Variants in ARHGAP27 observed in about 807,000 individuals in gnomAD.
The protein encoded by ARHGAP27 is rho GTPase-activating protein 27.
ARHGAP27 carries 53 observed loss-of-function variants against 102.0 expected under a neutral mutation model. The ratio of observed to expected loss-of-function variants is 0.52; its 90% CI spans 0.42 to 0.65. ARHGAP27 has a LOEUF of 0.65. ARHGAP27 is among the 30% of genes least tolerant of loss of function. The pLI is 0.00. For missense variants in ARHGAP27, 1,117 were observed against 1,256.2 expected, an observed-to-expected ratio of 0.89 and a Z score of 1.68; for synonymous variants, 525 against 542.8, an observed-to-expected ratio of 0.97 and a Z score of 0.46.
At chr17:45,414,807 C>A in intron 4 of ARHGAP27, among the ~76,000 whole-genome samples, 1 of 500 alleles carries the variant, frequency 2.0e-3, no homozygotes, top group East Asian at 0.031. Flanking sequence ...GCCTGAAATC[C>A]CAGCACTTTG....
rs1364065652 is a variant in ARHGAP27, at chr17:45,395,844, G to A, written c.2392C>T (p.Gln798Ter). Reference protein sequence around the residue: ...FRQFIAAIKLQDQARRSRCVR... With the variant: ...FRQFIAAIKL ...CAGCGGCTGCGCCGGGCCTGGTCCT[G>A]CAACTCTGGGTGAGGGAAGGTTTAG... Residue 798 changes from glutamine to a stop codon, truncating the protein, a stop_gained, in exon 19 of 20, where the codon CAG (glutamine) becomes TAG (stop). Transcript: ENST00000685559. LOFTEE classifies it high-confidence loss of function. 3.7e-6 allele frequency: 6 copies of A among 1,600,656 alleles called. No homozygotes were observed. The highest frequency in any genetic ancestry group is 3.4e-5 in the Admixed American group (2 of 58,618).
At chr17:45,404,378 G>C (rs1422325932) in intron 8 of ARHGAP27, 44 bp from the exon 9 acceptor site, 1 of 1,613,638 alleles carries the variant, frequency 6.2e-7, no homozygotes, top group Middle Eastern at 1.7e-4. Flanking sequence ...CCTCCTCCCA[G>C]GAACTCCAGA....
chr17:45,424,484 C>G (rs1403082353), intron 4 of ARHGAP27, among the ~76,000 whole-genome samples: 2 of 152,192 alleles, frequency 1.3e-5, no homozygotes, highest in African/African-American at 4.8e-5. Flanking sequence ...TGGACTTTCC[C>G]ATTCCCCAGG....
In ARHGAP27 at chr17:45,404,689, G is replaced by A; in HGVS notation, c.1249-8C>T. Reference sequence around the variant, plus strand: ...GTCCTCCAGCCTCACCCACTGTGGGGAGAGGAATGGTCAGGGCCTCCAGCC... The same window carrying A: ...GTCCTCCAGCCTCACCCACTGTGGGAAGAGGAATGGTCAGGGCCTCCAGCC... On this transcript the variant is annotated splice_region_variant and splice_polypyrimidine_tract_variant and intron_variant, in intron 6 of 19. Coordinates refer to ENST00000685559, the MANE Select transcript of ARHGAP27 (RefSeq NM_001282290.2). 12 of 1,608,378 alleles carry A rather than the reference G, an allele frequency of 7.5e-6. No individual in the cohort carries two copies. Among genetic ancestry groups the A allele is most frequent in the Non-Finnish European group, 1.0e-5 (12 of 1,178,306 alleles).
chr17:45,414,343 G>C (rs746630181), intron 4 of ARHGAP27, among the ~76,000 whole-genome samples: 1 of 151,984 alleles, frequency 6.6e-6, no homozygotes, highest in Admixed American at 6.5e-5. Context: ...ATAGCCTCCC[G>C]CTTGCTCGGA....
intron 5 of ARHGAP27, 150 bp downstream of exon 5, chr17:45,405,526 G>A: frequency 8.7e-7 from 1 of 1,143,244 alleles, no homozygotes. Context: ...CTGGGTCTGT[G>A]GGAGCAGGAG....
At chr17:45,420,241 T>C (rs1446656175) in intron 4 of ARHGAP27, among the ~76,000 whole-genome samples, 1 of 152,180 alleles carries the variant, frequency 6.6e-6, no homozygotes, top group East Asian at 1.9e-4. Flanking sequence ...AGACAGAACC[T>C]CTCTAGGTAC....
Position 45,397,022 on chromosome 17 carries a change from G to A in ARHGAP27, c.1845C>T (p.Ser615=), listed in dbSNP as rs1465333724. 2.5e-6 allele frequency: 4 copies of A among 1,602,650 alleles called. No homozygotes were observed. The highest frequency in any genetic ancestry group is 2.2e-5 in the South Asian group (2 of 91,094). The change falls in exon 14 of 20, where the codon TCC becomes TCT. Residue 615 remains serine (S), a splice_region_variant and synonymous_variant. Coordinates refer to ENST00000685559, the MANE Select transcript of ARHGAP27 (RefSeq NM_001282290.2). Reference sequence around the variant, plus strand: ...CGCTCTCCTCTGGGGGCAGCTCTGCGGACTGGATTCCCATAGCCTCAGAGA... The same window carrying A: ...CGCTCTCCTCTGGGGGCAGCTCTGCAGACTGGATTCCCATAGCCTCAGAGA... ...KAIAQGIQEL[S]AELPPEESES...
chr17:45,425,019 G>A (rs1422963366), intron 4 of ARHGAP27, among the ~76,000 whole-genome samples: 1 of 151,350 alleles, frequency 6.6e-6, no homozygotes, highest in Non-Finnish European at 1.5e-5. Flanking sequence ...AGGGGGTGCG[G>A]GGGGTGGGCA....
rs900072522 is a variant in ARHGAP27 at position 45,396,928 on chromosome 17, G to A, written c.1939C>T (p.Arg647Ter). 1.2e-6 allele frequency: 2 copies of A among 1,606,220 alleles called. No homozygotes were observed. The highest frequency in any genetic ancestry group is 2.2e-5 in the East Asian group (1 of 44,894). ...GSWQEKEEDA[R>*]PNAAAPALGP... is the part of the protein sequence containing the mutation. ...GCCTTGCGCACACCTGCATTCGGTC[G>A]CGCGTCCTCCTCTTTCTCCTGCCAG... is the stretch of plus-strand genomic sequence containing the variant. The change falls in exon 14 of 20, where the codon CGA becomes TGA. Residue 647 changes from arginine (R) to a stop codon, truncating the protein, a stop_gained. Transcript: ENST00000685559. LOFTEE classifies it high-confidence loss of function.
chr17:45,412,857 T>C (rs1270885535), intron 4 of ARHGAP27, among the ~76,000 whole-genome samples: 1 of 151,904 alleles, frequency 6.6e-6, no homozygotes, highest in Admixed American at 6.6e-5. Context: ...TCTGAGATTC[T>C]GATGGAAGTG....
At chr17:45,410,567 G>A (rs1243830011) in intron 4 of ARHGAP27, 5 of 587,106 alleles carry the variant, frequency 8.5e-6, no homozygotes, top group African/African-American at 5.9e-5. Context: ...AGCCGCATCC[G>A]AGGCCCAGAC....
At chr17:45,397,291 C>T in intron 13 of ARHGAP27, 1 of 1,345,330 alleles carries the variant, frequency 7.4e-7, no homozygotes, top group Non-Finnish European at 9.5e-7. Context: ...GGACTCCTAC[C>T]CACCTGGTGC....
intron 4 of ARHGAP27, among the ~76,000 whole-genome samples, chr17:45,424,680 G>C (rs1235387342): frequency 8.8e-6 from 1 of 113,196 alleles, no homozygotes; most frequent in Non-Finnish European, 2.2e-5. Context: ...AGGGTGGGAG[G>C]GGGGTGAGGG....
chr17:45,421,101 G>T (rs868761684), intron 4 of ARHGAP27, among the ~76,000 whole-genome samples: 3 of 139,006 alleles, frequency 2.2e-5, no homozygotes, highest in Middle Eastern at 3.4e-3. Context: ...CAACAAGAAT[G>T]AAATAAAGAG....
At chr17:45,399,137 G>A (rs1287107993) in intron 12 of ARHGAP27, among the ~76,000 whole-genome samples, 1 of 152,196 alleles carries the variant, frequency 6.6e-6, no homozygotes, top group Non-Finnish European at 1.5e-5. Context: ...TAATGTGAAT[G>A]TTTGGCGGCA....
chr17:45,406,604 T>G (rs972917328), intron 4 of ARHGAP27, among the ~76,000 whole-genome samples: 12 of 152,242 alleles, frequency 7.9e-5, no homozygotes, highest in African/African-American at 2.7e-4. Context: ...GGGCAGGAAC[T>G]GAGAAGTGGT....
At chr17:45,410,255 G>T in intron 4 of ARHGAP27, 1 of 1,533,578 alleles carries the variant, frequency 6.5e-7, no homozygotes, top group South Asian at 1.2e-5. Flanking sequence ...GCTCGACTCT[G>T]CCTCCTGGTC....
In ARHGAP27 at chr17:45,396,324, G is replaced by T. The variant is rs146946789; in HGVS notation, c.2174-40C>A. On this transcript the variant is annotated intron_variant, in intron 16 of 19. Transcript: ENST00000685559. ...GGCGCTGATCCCGGGTTCAGGGATGGGGATAGGGTGGGGCTACGGGTCCCT... is the reference window on the plus strand; with the variant it reads ...GGCGCTGATCCCGGGTTCAGGGATGTGGATAGGGTGGGGCTACGGGTCCCT... 1.1e-3 allele frequency: 1,667 copies of T among 1,569,196 alleles called. 21 individuals are homozygous for T. The African/African-American group carries it at 0.02, about 19-fold the overall frequency.
Sources: gnomAD v4.1 joint callset for allele counts (sites outside exome capture counted in the v4.1 genomes callset) on GRCh38, gnomAD v4.1.1 for gene constraint, MANE v1.5 for transcripts, NCBI Gene and HGNC (gene_info 2026-07-23, HGNC 2026-07-21) for gene names.